The following MAP4K5 variants were observed in gnomAD, a reference collection of about 807,000 sequenced individuals.
The protein encoded by MAP4K5 is MAPK/ERK kinase kinase kinase 5.
A neutral mutation model predicts 135.6 loss-of-function variants in MAP4K5; 82 were observed. That is an observed-to-expected ratio of 0.60 (90% CI 0.51 to 0.73). The LOEUF (loss-of-function observed/expected upper bound fraction) is 0.73. MAP4K5 is among the 30% of genes least tolerant of loss of function. The pLI, the probability that MAP4K5 is intolerant of heterozygous loss-of-function variation, is 0.00. For synonymous variants in MAP4K5, 347 were observed against 335.0 expected (o/e 1.04, Z -0.39); for missense variants, 907 against 1,010.9 (o/e 0.90, Z 1.39).
intron 2 of MAP4K5, among the ~76,000 whole-genome samples, chr14:50,520,875 T>G (rs1595543176): frequency 1.4e-5 from 2 of 147,082 alleles, no homozygotes; most frequent in African/African-American, 5.0e-5. Context: ...CAGGCTGGAG[T>G]GCAGTGGCGC....
chr14:50,505,475 G>T (rs555139844), intron 2 of MAP4K5, among the ~76,000 whole-genome samples: 4 of 152,134 alleles, frequency 2.6e-5, no homozygotes, highest in East Asian at 3.9e-4. Context: ...TCTTAGCTTT[G>T]TATCTATCCA....
rs751300266 is a variant in MAP4K5, at chr14:50,438,281, G to T, written c.1706-187C>A. 3.1e-5 allele frequency: 11 copies of T among 352,636 alleles called. No individual in the cohort carries two copies. In the Admixed American group the frequency reaches 3.6e-4, roughly 12 times the overall value. 21.8% of individuals were successfully genotyped at this position (352,636 alleles called of 1,614,324 possible). On this transcript the variant is annotated intron_variant, in intron 23 of 32. Transcript: ENST00000682126. ...TCTGGGCAGACTAAACCTTAATGAT[G>T]CCAGCACACAAAAAGAAATTGTTGT...
At chr14:50,494,081 T>C (rs1477532264) in intron 3 of MAP4K5, among the ~76,000 whole-genome samples, 1 of 151,630 alleles carries the variant, frequency 6.6e-6, no homozygotes, top group African/African-American at 2.4e-5. Context: ...CTATAAAACA[T>C]TGCTGAAAGA....
chr14:50,440,161 T>G (rs2036192991), intron 22 of MAP4K5, 88 bp from the exon 23 acceptor site: 1 of 974,550 alleles, frequency 1.0e-6, no homozygotes, highest in African/African-American at 1.7e-5. Flanking sequence ...TAAAAATAAC[T>G]ATTTTCTAAC....
intron 2 of MAP4K5, among the ~76,000 whole-genome samples, chr14:50,519,613 C>T (rs2038106258): frequency 6.6e-6 from 1 of 151,922 alleles, no homozygotes; most frequent in East Asian, 1.9e-4. Context: ...GAGATTGTGC[C>T]ACTGTACTCC....
chr14:50,478,141 A>G (rs2037146343), intron 6 of MAP4K5, among the ~76,000 whole-genome samples: 2 of 152,146 alleles, frequency 1.3e-5, no homozygotes, highest in Non-Finnish European at 1.5e-5. Flanking sequence ...TAATTGAGTG[A>G]GCTTTGGTAG....
chr14:50,467,268 A>C (rs1057408141), intron 10 of MAP4K5, among the ~76,000 whole-genome samples: 3 of 152,092 alleles, frequency 2.0e-5, no homozygotes, highest in African/African-American at 7.2e-5. Context: ...CATTTCCTAC[A>C]AAAATCCCAG....
At position 50,515,034 on chromosome 14, in the gene MAP4K5, G is replaced by A. The variant is rs368366824; in HGVS notation, c.109-10177C>T. On this transcript the variant is annotated intron_variant, in intron 2 of 32. Transcript: ENST00000682126. ...TTCTCTCGCTTCAGCCTCCCGAGTA[G>A]CTGGGACTACAGGCACTCGCCGCCA... Among the ~76,000 whole-genome samples, 11 of 152,106 alleles carry A rather than the reference G, an allele frequency of 7.2e-5. No homozygotes were observed. The East Asian group carries it at 7.8e-4, about 11-fold the overall frequency.
intron 6 of MAP4K5, among the ~76,000 whole-genome samples, chr14:50,477,329 C>T (rs1163207971): frequency 3.3e-5 from 5 of 152,168 alleles, no homozygotes; most frequent in Non-Finnish European, 5.9e-5. Context: ...GTGAATATTA[C>T]AATCTTTCTA....
At chr14:50,550,008 T>A (rs2038681770) in intron 1 of MAP4K5, among the ~76,000 whole-genome samples, 1 of 152,234 alleles carries the variant, frequency 6.6e-6, no homozygotes, top group Non-Finnish European at 1.5e-5. Flanking sequence ...CACCAGTGGA[T>A]CTGCCAAGTG....
At chr14:50,495,525 G>C (rs181473452) in intron 3 of MAP4K5, among the ~76,000 whole-genome samples, 1 of 152,270 alleles carries the variant, frequency 6.6e-6, no homozygotes, top group Non-Finnish European at 1.5e-5. Flanking sequence ...ACAAATTAAA[G>C]GTGGAACTAT....
At chr14:50,534,468 G>A (rs1371970814), upstream of MAP4K5, among the ~76,000 whole-genome samples, 1 of 152,246 alleles carries the variant, frequency 6.6e-6, no homozygotes, top group Non-Finnish European at 1.5e-5. Context: ...TGAATGCCCA[G>A]TTTGAGACGA....
chr14:50,424,693 G>A (rs1422049288), intron 31 of MAP4K5, among the ~76,000 whole-genome samples: 6 of 123,768 alleles, frequency 4.8e-5, no homozygotes, highest in East Asian at 4.7e-4. Context: ...CTGGGCGACA[G>A]TGTGAGACTC....
chr14:50,535,563 T>C (rs2038481268), upstream of MAP4K5, among the ~76,000 whole-genome samples: 1 of 150,912 alleles, frequency 6.6e-6, no homozygotes, highest in Non-Finnish European at 1.5e-5. Context: ...TTTGGATTTT[T>C]AAATAATTAT....
chr14:50,494,119 A>C (rs1256414551), intron 3 of MAP4K5, among the ~76,000 whole-genome samples: 1 of 152,100 alleles, frequency 6.6e-6, no homozygotes, highest in Non-Finnish European at 1.5e-5. Context: ...ATAAGTGGAA[A>C]GACATCCCAT....
intron 19 of MAP4K5, 69 bp downstream of exon 19, chr14:50,443,870 A>G: frequency 1.4e-6 from 2 of 1,469,412 alleles, no homozygotes; most frequent in South Asian, 1.2e-5. Flanking sequence ...TGAATTAAAC[A>G]GACTATGCCC....
chr14:50,458,457 G>T (rs1468856719), intron 13 of MAP4K5, among the ~76,000 whole-genome samples: 2 of 152,028 alleles, frequency 1.3e-5, no homozygotes, highest in Non-Finnish European at 2.9e-5. Flanking sequence ...TTTCATAAAT[G>T]AATTGCAATA....
At chr14:50,432,556 C>CAAA (rs56267301) in intron 28 of MAP4K5, among the ~76,000 whole-genome samples, 17 of 139,950 alleles carry the variant, frequency 1.2e-4, no homozygotes, top group African/African-American at 5.1e-4. Context: ...ACAAAACTCT[C>CAAA]AAAAAAAAAA....
chr14:50,428,381 A>C (rs1009913669), intron 30 of MAP4K5, among the ~76,000 whole-genome samples: 14 of 151,976 alleles, frequency 9.2e-5, no homozygotes, highest in African/African-American at 3.4e-4. Flanking sequence ...TCAGCCTCCC[A>C]AGTAGTTGGG....
Sources: gnomAD v4.1 joint callset for allele counts (sites outside exome capture counted in the v4.1 genomes callset) on GRCh38, gnomAD v4.1.1 for gene constraint, MANE v1.5 for transcripts, NCBI Gene and HGNC (gene_info 2026-07-23, HGNC 2026-07-21) for gene names.